DNAJC1: variants seen among roughly 807,000 people sequenced by gnomAD.
DNAJC1 encodes the protein DnaJ heat shock protein family (Hsp40) member C1.
Under a neutral mutation model 76.6 loss-of-function variants are expected in DNAJC1, and 58 were observed. That is an observed-to-expected ratio of 0.76 (90% CI 0.61 to 0.94). The LOEUF is 0.94. Among genes scored for constraint, DNAJC1 ranks in the 40% least tolerant of loss-of-function variants. The pLI, the probability that DNAJC1 is intolerant of heterozygous loss-of-function variation, is 0.00. For synonymous variants in DNAJC1, 258 were observed against 267.9 expected (o/e 0.96, Z 0.36); for missense variants, 689 against 677.3 (o/e 1.02, Z -0.19).
chr10:21,813,050 CACATATATATACATATAT>C (rs1485349251), intron 8 of DNAJC1, among the ~76,000 whole-genome samples: 3 of 142,110 alleles, frequency 2.1e-5, no homozygotes, highest in African/African-American at 5.3e-5. Context: ...CACACACACA[CACATATATATACATATAT>C]ACATATATAT....
At chr10:21,848,609 T>G (rs571184637) in intron 8 of DNAJC1, among the ~76,000 whole-genome samples, 12 of 152,304 alleles carry the variant, frequency 7.9e-5, no homozygotes, top group African/African-American at 2.6e-4. Context: ...ACCAGAGGAT[T>G]TGAATAACAT....
chr10:21,904,396 C>T, intron 7 of DNAJC1, 126 bp downstream of exon 7: 2 of 551,240 alleles, frequency 3.6e-6, no homozygotes, highest in Non-Finnish European at 3.0e-6. Context: ...AGTGACTCCA[C>T]TAGGGAGTGG....
At chr10:21,862,723 C>T (rs1430201967) in intron 8 of DNAJC1, among the ~76,000 whole-genome samples, 2 of 152,010 alleles carry the variant, frequency 1.3e-5, no homozygotes, top group Non-Finnish European at 1.5e-5. Context: ...GCCACTGTGC[C>T]CGGTCATAAA....
intron 1 of DNAJC1, among the ~76,000 whole-genome samples, chr10:21,958,744 G>A (rs921164290): frequency 2.6e-5 from 4 of 151,764 alleles, no homozygotes; most frequent in African/African-American, 9.7e-5. Flanking sequence ...CCTTTTCTAG[G>A]CATTTCATAT....
intron 9 of DNAJC1, among the ~76,000 whole-genome samples, chr10:21,775,286 C>CCTGCTGTCA (rs1388051245): frequency 1.3e-5 from 2 of 149,270 alleles, no homozygotes; most frequent in Non-Finnish European, 3.0e-5. Context: ...CTCTACATCT[C>CCTGCTGTCA]CTGCTGTCAT....
At chr10:21,795,087 T>A (rs1174569235) in intron 9 of DNAJC1, among the ~76,000 whole-genome samples, 1 of 152,062 alleles carries the variant, frequency 6.6e-6, no homozygotes, top group Non-Finnish European at 1.5e-5. Flanking sequence ...AACCTATATA[T>A]AAAGAACTCT....
chr10:21,952,234 CTCATA>C (rs1338955578), intron 1 of DNAJC1, among the ~76,000 whole-genome samples: 2 of 152,152 alleles, frequency 1.3e-5, no homozygotes, highest in African/African-American at 4.8e-5. Flanking sequence ...TTTCATGCTT[CTCATA>C]TAATTTTTCA....
chr10:21,923,472 A>G (rs1458368556), intron 3 of DNAJC1, among the ~76,000 whole-genome samples: 5 of 151,980 alleles, frequency 3.3e-5, no homozygotes, highest in Non-Finnish European at 7.4e-5. Flanking sequence ...ATTTAAACAT[A>G]TAACACTGTT....
intron 1 of DNAJC1, among the ~76,000 whole-genome samples, chr10:21,990,777 T>A (rs2131846687): frequency 6.6e-6 from 1 of 152,338 alleles, no homozygotes; most frequent in Admixed American, 6.5e-5. Flanking sequence ...ATGTTTAAGA[T>A]CTTGGACACC....
At chr10:21,900,402 A>G (rs1836631189) in intron 7 of DNAJC1, among the ~76,000 whole-genome samples, 1 of 152,104 alleles carries the variant, frequency 6.6e-6, no homozygotes, top group East Asian at 1.9e-4. Context: ...ATCTATAGCC[A>G]TAAACACTTA....
intron 7 of DNAJC1, among the ~76,000 whole-genome samples, chr10:21,896,110 G>T (rs890108557): frequency 1.3e-5 from 2 of 152,122 alleles, no homozygotes; most frequent in Non-Finnish European, 2.9e-5. Context: ...TGCCACAAAG[G>T]TGGGGCTGCT....
chr10:21,855,938 A>G (rs1412118516), intron 8 of DNAJC1, among the ~76,000 whole-genome samples: 1 of 152,202 alleles, frequency 6.6e-6, no homozygotes, highest in African/African-American at 2.4e-5. Context: ...ATGACTTCAT[A>G]AGACAGACAG....
intron 1 of DNAJC1, among the ~76,000 whole-genome samples, chr10:21,935,133 T>G (rs1211532860): frequency 2.0e-5 from 3 of 151,836 alleles, no homozygotes; most frequent in African/African-American, 4.8e-5. Flanking sequence ...AGAAAAAAAA[T>G]TAATAGAAAT....
intron 3 of DNAJC1, among the ~76,000 whole-genome samples, chr10:21,921,958 C>G (rs1048678378): frequency 3.9e-5 from 6 of 152,162 alleles, no homozygotes; most frequent in Admixed American, 2.0e-4. Flanking sequence ...TCTAATCACA[C>G]TATTTCCAGA....
At chr10:21,814,494 C>T (rs192511529) in intron 8 of DNAJC1, among the ~76,000 whole-genome samples, 12 of 152,320 alleles carry the variant, frequency 7.9e-5, no homozygotes, top group African/African-American at 2.2e-4. Flanking sequence ...CCAGGCCAAT[C>T]ATTAGAACAA....
chr10:21,997,489 C>G (rs907804286), intron 1 of DNAJC1, among the ~76,000 whole-genome samples: 4 of 152,178 alleles, frequency 2.6e-5, no homozygotes, highest in Non-Finnish European at 4.4e-5. Flanking sequence ...TCCCACTACT[C>G]ATAGCTTTCT....
chr10:21,774,140 C>CAAA (rs1285771891), intron 9 of DNAJC1, among the ~76,000 whole-genome samples: 4 of 55,422 alleles, frequency 7.2e-5, no homozygotes, highest in African/African-American at 2.7e-4. Context: ...GACTCCGTCT[C>CAAA]AAAAAAAAAA....
At chr10:21,986,390 T>A (rs951211489) in intron 1 of DNAJC1, among the ~76,000 whole-genome samples, 3 of 152,240 alleles carry the variant, frequency 2.0e-5, no homozygotes, top group African/African-American at 7.2e-5. Context: ...TTAATTTGCA[T>A]TTCTTTAATA....
At chr10:21,823,591 G>T (rs1264733723) in intron 8 of DNAJC1, among the ~76,000 whole-genome samples, 1 of 151,950 alleles carries the variant, frequency 6.6e-6, no homozygotes, top group Admixed American at 6.6e-5. Flanking sequence ...TTCATTCTAT[G>T]TCTTAAAATT....
Sources: gnomAD v4.1 joint callset for allele counts (sites outside exome capture counted in the v4.1 genomes callset) on GRCh38, gnomAD v4.1.1 for gene constraint, MANE v1.5 for transcripts, NCBI Gene and HGNC (gene_info 2026-07-23, HGNC 2026-07-21) for gene names.